The following BTBD9 variants were observed in gnomAD, a reference collection of about 807,000 sequenced individuals.
BTBD9 encodes the protein BTB domain containing 9.
BTBD9 carries 49 observed loss-of-function variants against 64.3 expected under a neutral mutation model. That is an observed-to-expected ratio of 0.76 (90% CI 0.61 to 0.97). The LOEUF (loss-of-function observed/expected upper bound fraction) is 0.97. Among genes scored for constraint, BTBD9 ranks in the 50% least tolerant of loss-of-function variants. BTBD9 has a pLI of 0.00. For synonymous variants in BTBD9, 260 were observed against 274.7 expected (o/e 0.95, Z 0.53); for missense variants, 598 against 762.1 (o/e 0.78, Z 2.53).
At position 38,489,757 on chromosome 6, in the gene BTBD9, T is replaced by G. The variant is rs35563800; in HGVS notation, c.1154+87843A>C. 3.6e-3 allele frequency among the ~76,000 whole-genome samples: 551 copies of G among 152,332 alleles called. 6 individuals are homozygous for G. The highest frequency in any genetic ancestry group is 0.01 in the Middle Eastern group (3 of 294). On this transcript the variant is annotated intron_variant, in intron 6 of 10. Coordinates refer to ENST00000481247, the MANE Select transcript of BTBD9 (RefSeq NM_001099272.2). ...CGTTGATCCTTTCTTCACATGGCAT[T>G]TATTTATATGCCATCTTTTGTGAAT...
intron 1 of BTBD9, among the ~76,000 whole-genome samples, chr6:38,637,111 C>G (rs150447533): frequency 3.3e-5 from 5 of 152,300 alleles, no homozygotes; most frequent in African/African-American, 4.8e-5. Context: ...TGTTCCCTAT[C>G]AGTTTTTTCT....
At chr6:38,374,287 A>G (rs1254003628) in intron 6 of BTBD9, among the ~76,000 whole-genome samples, 1 of 69,224 alleles carries the variant, frequency 1.4e-5, no homozygotes, top group East Asian at 6.5e-4. Flanking sequence ...AAAAAAGTAT[A>G]TATATATATG....
intron 8 of BTBD9, among the ~76,000 whole-genome samples, chr6:38,266,618 GAA>G (rs1554133526): frequency 6.2e-5 from 1 of 16,084 alleles, no homozygotes. Context: ...AAGAAAGAAA[GAA>G]AGAAAGAAAG....
Position 38,594,173 on chromosome 6 carries a change from A to T in BTBD9, c.340T>A (p.Leu114Met), listed in dbSNP as rs759738171. The T allele has an allele frequency of 6.2e-7, 1 of 1,614,210 alleles. No individual in the cohort carries two copies. The highest frequency in any genetic ancestry group is 2.2e-5 in the East Asian group (1 of 44,878). ...AATCCATATTTATGAGCCAGGCTCAAAAAGTCCAGCAGCACCTCCTCCTTC... is the reference window on the plus strand; with the variant it reads ...AATCCATATTTATGAGCCAGGCTCATAAAGTCCAGCAGCACCTCCTCCTTC... ...DEKEEVLLDF[L>M]SLAHKYGFPE... The change falls in exon 3 of 11, where the codon TTG becomes ATG. Residue 114 changes from leucine (L) to methionine (M), a missense_variant. By Grantham distance (15) the Leu-to-Met change is conservative. Transcript: ENST00000481247.
chr6:38,599,817 C>T (rs1391033793), intron 1 of BTBD9, among the ~76,000 whole-genome samples: 1 of 152,176 alleles, frequency 6.6e-6, no homozygotes, highest in Non-Finnish European at 1.5e-5. Flanking sequence ...ACCATATGCC[C>T]ACCCTCAAAA....
intron 9 of BTBD9, among the ~76,000 whole-genome samples, chr6:38,222,815 C>T (rs960228219): frequency 6.6e-6 from 1 of 152,202 alleles, no homozygotes; most frequent in Admixed American, 6.5e-5. Flanking sequence ...ACATGTTATA[C>T]ACACGAAAGG....
chr6:38,346,100 A>T (rs1036969925), intron 6 of BTBD9, among the ~76,000 whole-genome samples: 4 of 152,208 alleles, frequency 2.6e-5, no homozygotes, highest in Non-Finnish European at 4.4e-5. Flanking sequence ...ACAGATTTCA[A>T]TTAGGATATG....
chr6:38,584,460 T>C (rs1776425252), intron 4 of BTBD9, among the ~76,000 whole-genome samples: 2 of 152,160 alleles, frequency 1.3e-5, no homozygotes, highest in African/African-American at 4.8e-5. Flanking sequence ...GAAGGAAAAA[T>C]TAAGGAGAAA....
rs1215679987 is a variant in BTBD9, at chr6:38,418,691, C to G, written c.1155-73598G>C. Among the ~76,000 whole-genome samples the G allele has an allele frequency of 2.0e-5, 3 of 152,272 alleles. No homozygotes were observed. The South Asian group carries it at 6.2e-4, about 32-fold the overall frequency. On this transcript the variant is annotated intron_variant, in intron 6 of 10. Coordinates refer to ENST00000481247, the MANE Select transcript of BTBD9 (RefSeq NM_001099272.2). ...AAGAAATTTTAGTCCCACAGCTATA[C>G]TGTGTATCCGTTTGTGTACTATATG...
At position 38,345,100 on chromosome 6, in the gene BTBD9, G is replaced by A; in HGVS notation, c.1155-7C>T. ...CCCAACAATTCGAATATACCTGACG[G>A]TAAAAAGAAAAGAAAATGTGTTGAA... On this transcript the variant is annotated splice_polypyrimidine_tract_variant and splice_region_variant and intron_variant, in intron 6 of 10. Coordinates refer to ENST00000481247, the MANE Select transcript of BTBD9 (RefSeq NM_001099272.2). The A allele has an allele frequency of 6.4e-7, 1 of 1,568,122 alleles. No homozygotes were observed. Among genetic ancestry groups the A allele is most frequent in the Non-Finnish European group, 8.7e-7 (1 of 1,145,558 alleles).
intron 6 of BTBD9, among the ~76,000 whole-genome samples, chr6:38,552,754 G>GAAAAAA: frequency 9.2e-6 from 1 of 108,812 alleles, no homozygotes; most frequent in Non-Finnish European, 2.0e-5. Flanking sequence ...AAAAGAAAAA[G>GAAAAAA]AAAAAAAAAA....
At chr6:38,418,472 ATGAG>A (rs1315464063) in intron 6 of BTBD9, among the ~76,000 whole-genome samples, 2 of 152,196 alleles carry the variant, frequency 1.3e-5, no homozygotes, top group Non-Finnish European at 2.9e-5. Context: ...GTGTACCAAG[ATGAG>A]TGAGTGAGTG....
At chr6:38,180,551 T>C (rs1761508103) in intron 10 of BTBD9, among the ~76,000 whole-genome samples, 1 of 79,916 alleles carries the variant, frequency 1.3e-5, no homozygotes, top group African/African-American at 4.8e-5. Flanking sequence ...AACAGCCAAG[T>C]CCTGAGTCTC....
chr6:38,354,351 C>T (rs1260531403), intron 6 of BTBD9, among the ~76,000 whole-genome samples: 15 of 152,134 alleles, frequency 9.9e-5, no homozygotes, highest in Admixed American at 9.8e-4. Flanking sequence ...AAAACCCATA[C>T]TCCGTACACT....
chr6:38,566,205 T>C (rs963131477), intron 6 of BTBD9: 1 of 152,202 alleles, frequency 6.6e-6, no homozygotes, highest in African/African-American at 2.4e-5. Flanking sequence ...TGTGTATGAT[T>C]ACACATAGAA....
At chr6:38,370,230 A>G (rs1765361319) in intron 6 of BTBD9, among the ~76,000 whole-genome samples, 1 of 152,216 alleles carries the variant, frequency 6.6e-6, no homozygotes, top group Admixed American at 6.5e-5. Context: ...AGCCAGTATT[A>G]CTCACTCAGC....
At chr6:38,615,913 A>C (rs539712134) in intron 1 of BTBD9, among the ~76,000 whole-genome samples, 1 of 152,338 alleles carries the variant, frequency 6.6e-6, no homozygotes, top group Non-Finnish European at 1.5e-5. Context: ...GGTAGGCAGA[A>C]ATGTAAGATG....
chr6:38,449,114 A>G (rs1162134828), intron 6 of BTBD9, among the ~76,000 whole-genome samples: 2 of 152,224 alleles, frequency 1.3e-5, no homozygotes, highest in African/African-American at 4.8e-5. Context: ...CTTACAGAAG[A>G]GAGGCCTTCC....
At chr6:38,326,209 C>T (rs933336264) in intron 7 of BTBD9, among the ~76,000 whole-genome samples, 9 of 151,966 alleles carry the variant, frequency 5.9e-5, no homozygotes, top group Admixed American at 6.6e-5. Flanking sequence ...CATTCCAGAG[C>T]GAACAGCAAG....
Sources: gnomAD v4.1 joint callset for allele counts (sites outside exome capture counted in the v4.1 genomes callset) on GRCh38, gnomAD v4.1.1 for gene constraint, MANE v1.5 for transcripts, NCBI Gene and HGNC (gene_info 2026-07-23, HGNC 2026-07-21) for gene names.